Variants in DEUP1 observed in about 807,000 individuals in gnomAD.
The protein encoded by DEUP1 is deuterosome assembly protein 1.
DEUP1 carries 82 observed loss-of-function variants against 87.4 expected under a neutral mutation model. That is an observed-to-expected ratio of 0.94 (90% confidence interval 0.78 to 1.13). The LOEUF is 1.13. Ranked by LOEUF, DEUP1 falls within the 50% of genes most tolerant of loss-of-function variation. The probability of loss-of-function intolerance (pLI) is 0.00; values close to 1 mark genes in which losing one functional copy is unlikely to be tolerated. For synonymous variants in DEUP1, 214 were observed against 222.7 expected (o/e 0.96, Z 0.35); for missense variants, 663 against 681.5 (o/e 0.97, Z 0.30).
In DEUP1 at chr11:93,368,829, A is replaced by G. The variant is rs368535014; in HGVS notation, c.433-1244A>G. 7.3e-3 allele frequency among the ~76,000 whole-genome samples: 1,104 copies of G among 152,156 alleles called. 22 individuals carry two copies. In the South Asian group the frequency reaches 0.085, roughly 12 times the overall value. ...CACGTGACTGTAATCCCAGCTACTCAGGAGGCTGAGACAGGAGGATCACTT... is the reference window on the plus strand; with the variant it reads ...CACGTGACTGTAATCCCAGCTACTCGGGAGGCTGAGACAGGAGGATCACTT... On this transcript the variant is annotated intron_variant, in intron 5 of 13. Transcript: ENST00000298050.
chr11:93,348,035 C>T (rs1006230301), intron 2 of DEUP1, among the ~76,000 whole-genome samples: 7 of 152,274 alleles, frequency 4.6e-5, no homozygotes, highest in East Asian at 1.9e-4. Flanking sequence ...CCACCGCACC[C>T]GGCCCAGAGA....
chr11:93,399,478 A>C (rs1947050188), intron 11 of DEUP1, among the ~76,000 whole-genome samples: 1 of 151,860 alleles, frequency 6.6e-6, no homozygotes, highest in Non-Finnish European at 1.5e-5. Context: ...TTTCAAAAAG[A>C]TCTTACCATT....
Position 93,369,702 on chromosome 11 carries a change from C to A in DEUP1, c.433-371C>A, listed in dbSNP as rs1278427990. ...ATCCCAGCACTTTGGGAGGCCGAGG[C>A]GGGCGGATCACGAGGTCAGGAGATC... On this transcript the variant is annotated intron_variant, in intron 5 of 13. Coordinates refer to ENST00000298050, the MANE Select transcript of DEUP1 (RefSeq NM_181645.4). 6.3e-4 allele frequency among the ~76,000 whole-genome samples: 4 copies of A among 6,396 alleles called. 2 individuals carry two copies. The highest frequency in any genetic ancestry group is 1.2e-3 in the Non-Finnish European group (4 of 3,412). 4.2% of individuals were successfully genotyped at this position (6,396 alleles called of 152,430 possible).
chr11:93,404,533 C>A (rs566087558), intron 11 of DEUP1, among the ~76,000 whole-genome samples: 1 of 152,118 alleles, frequency 6.6e-6, no homozygotes, highest in East Asian at 1.9e-4. Context: ...AACATACCAA[C>A]TACAAAACAT....
At position 93,370,058 on chromosome 11, in the gene DEUP1, C is replaced by T; in HGVS notation, c.433-15C>T. ...TAACATTTTTAAATATGTTTGTCTC[C>T]CCACTTTTTAAAAGGAATTTAGAGC... On this transcript the variant is annotated splice_polypyrimidine_tract_variant and intron_variant, in intron 5 of 13. Coordinates refer to ENST00000298050, the MANE Select transcript of DEUP1 (RefSeq NM_181645.4). 1 of 1,359,698 alleles carries T rather than the reference C, an allele frequency of 7.4e-7. No homozygotes were observed. The highest frequency in any genetic ancestry group is 1.2e-5 in the South Asian group (1 of 80,658). 84.2% of individuals were successfully genotyped at this position (1,359,698 alleles called of 1,614,324 possible).
chr11:93,417,072 C>T (rs1284908703), intron 13 of DEUP1, among the ~76,000 whole-genome samples: 1 of 149,828 alleles, frequency 6.7e-6, no homozygotes, highest in Non-Finnish European at 1.5e-5. Flanking sequence ...TAGCCAATAT[C>T]ATACTGAATG....
intron 7 of DEUP1, among the ~76,000 whole-genome samples, chr11:93,376,323 G>T (rs61919177): frequency 1.3e-5 from 2 of 151,934 alleles, no homozygotes; most frequent in African/African-American, 4.8e-5. Context: ...ATCTAGGAGG[G>T]TTTAATCTAG....
chr11:93,432,482 T>C (rs1421044911), intron 13 of DEUP1, among the ~76,000 whole-genome samples: 2 of 152,178 alleles, frequency 1.3e-5, no homozygotes, highest in African/African-American at 4.8e-5. Context: ...ATATTTATGG[T>C]CATGAATTTA....
At chr11:93,336,700 C>T (rs1943783360) in intron 2 of DEUP1, among the ~76,000 whole-genome samples, 1 of 152,204 alleles carries the variant, frequency 6.6e-6, no homozygotes, top group Non-Finnish European at 1.5e-5. Flanking sequence ...TCTGTTTTAG[C>T]TTCTCCAGAG....
chr11:93,351,199 A>G (rs1191927715), intron 2 of DEUP1, among the ~76,000 whole-genome samples: 1 of 152,012 alleles, frequency 6.6e-6, no homozygotes, highest in Non-Finnish European at 1.5e-5. Context: ...CTAACATTCT[A>G]ACTTCTGCAT....
intron 13 of DEUP1, among the ~76,000 whole-genome samples, chr11:93,416,013 TA>T (rs1167515218): frequency 6.6e-6 from 1 of 152,146 alleles, no homozygotes; most frequent in Non-Finnish European, 1.5e-5. Flanking sequence ...TATGCATACC[TA>T]AAATGGAATA....
chr11:93,330,444 G>T (rs1943408066), upstream of DEUP1, among the ~76,000 whole-genome samples: 1 of 152,234 alleles, frequency 6.6e-6, no homozygotes, highest in African/African-American at 2.4e-5. Flanking sequence ...GTATAACTGC[G>T]GGACAGCGAG....
intron 2 of DEUP1, among the ~76,000 whole-genome samples, chr11:93,343,041 A>C (rs1049625813): frequency 2.0e-5 from 3 of 152,222 alleles, no homozygotes; most frequent in Non-Finnish European, 4.4e-5. Flanking sequence ...TGGACATGTC[A>C]GTGTTGAATA....
intron 2 of DEUP1, among the ~76,000 whole-genome samples, chr11:93,349,085 C>T (rs941742230): frequency 2.6e-5 from 4 of 152,032 alleles, no homozygotes; most frequent in African/African-American, 4.8e-5. Context: ...TTTGAAAGCC[C>T]GCATATATTC....
chr11:93,405,202 CT>C (rs1473633530), intron 11 of DEUP1, among the ~76,000 whole-genome samples: 8 of 151,708 alleles, frequency 5.3e-5, no homozygotes, highest in African/African-American at 1.9e-4. Context: ...ATTCTCAACC[CT>C]TTTCAACCAG....
At chr11:93,437,453 C>T in intron 13 of DEUP1, 90 bp from the exon 14 acceptor site, 1 of 936,792 alleles carries the variant, frequency 1.1e-6, no homozygotes. Context: ...CGGTGTTTGA[C>T]AGTATGTCAG....
At chr11:93,337,928 G>A (rs1943854361) in intron 2 of DEUP1, among the ~76,000 whole-genome samples, 1 of 151,420 alleles carries the variant, frequency 6.6e-6, no homozygotes, top group Non-Finnish European at 1.5e-5. Context: ...AATCTGATAT[G>A]TGTGAATGTA....
rs551721131 is a variant in DEUP1, at chr11:93,388,750, A to G, written c.936-270A>G. Among the ~76,000 whole-genome samples, 4 of 152,238 alleles carry G rather than the reference A, an allele frequency of 2.6e-5. No individual in the cohort carries two copies. The South Asian group carries it at 8.3e-4, about 32-fold the overall frequency. ...TTTTTTCCCAAAATCTTATCTACATATGCAATCCCAGTATTCTGCCAATTT... is the reference window on the plus strand; with the variant it reads ...TTTTTTCCCAAAATCTTATCTACATGTGCAATCCCAGTATTCTGCCAATTT... On this transcript the variant is annotated intron_variant, in intron 8 of 13. Coordinates refer to ENST00000298050, the MANE Select transcript of DEUP1 (RefSeq NM_181645.4).
At chr11:93,370,915 C>A (rs1021555515) in intron 6 of DEUP1, 123 bp from the exon 7 acceptor site, 2 of 890,994 alleles carry the variant, frequency 2.2e-6, no homozygotes, top group Non-Finnish European at 3.4e-6. Context: ...AAAGACCCAA[C>A]TTTCATTATG....
Sources: allele counts gnomAD v4.1 joint callset (sites outside exome capture counted in the v4.1 genomes callset), GRCh38; gene constraint gnomAD v4.1.1; transcripts MANE v1.5; gene names NCBI Gene and HGNC (gene_info 2026-07-23, HGNC 2026-07-21).